KLHL6: variants seen among roughly 807,000 people sequenced by gnomAD.
KLHL6 encodes kelch-like protein 6.
A neutral mutation model predicts 58.6 loss-of-function variants in KLHL6; 41 were observed. The ratio of observed to expected loss-of-function variants is 0.70; its 90% CI spans 0.55 to 0.91. The LOEUF is 0.91. Ranked by LOEUF, KLHL6 falls within the 40% of genes least tolerant of loss-of-function variation. The probability of loss-of-function intolerance (pLI) is 0.00; values close to 1 mark genes in which losing one functional copy is unlikely to be tolerated. For synonymous variants in KLHL6, 338 were observed against 322.7 expected, an observed-to-expected ratio of 1.05 and a Z score of -0.51; for missense variants, 714 against 805.6, an observed-to-expected ratio of 0.89 and a Z score of 1.38.
chr3:183,540,040 C>A (rs1288591815), intron 1 of KLHL6, among the ~76,000 whole-genome samples: 1 of 152,222 alleles, frequency 6.6e-6, no homozygotes, highest in Non-Finnish European at 1.5e-5. Context: ...GTCTGCCCAA[C>A]TTACTCCTGT....
At chr3:183,510,492 C>A (rs1718150503) in intron 2 of KLHL6, among the ~76,000 whole-genome samples, 1 of 152,124 alleles carries the variant, frequency 6.6e-6, no homozygotes, top group South Asian at 2.1e-4. Flanking sequence ...CCAGAGCATT[C>A]CAGGGAACAC....
rs778924888 is a variant in KLHL6 at position 183,508,206 on chromosome 3, G to T, written c.762C>A (p.Leu254=). The T allele has an allele frequency of 1.9e-6, 3 of 1,614,192 alleles. No homozygotes were observed. The highest frequency in any genetic ancestry group is 4.5e-5 in the East Asian group (2 of 44,872). Residue 254 remains leucine, a synonymous_variant, in exon 3 of 7, where the codon CTC becomes CTA. Coordinates refer to ENST00000341319, the MANE Select transcript of KLHL6 (RefSeq NM_130446.4). The stretch of plus-strand genomic sequence containing the variant: ...AGCGCACGTTCTCGAGGACATAGGG[G>T]AGTAAGCAGAGTCGTTCTGATGGCT... ...RHKPSERLCL[L]PYVLENVRLP...
chr3:183,493,912 G>T, intron 5 of KLHL6, 167 bp downstream of exon 5: 1 of 673,544 alleles, frequency 1.5e-6, no homozygotes, highest in Non-Finnish European at 2.6e-6. Flanking sequence ...CAGCAATACT[G>T]AAGCAATAGC....
At chr3:183,504,498 C>G (rs1717950346) in intron 3 of KLHL6, among the ~76,000 whole-genome samples, 1 of 152,124 alleles carries the variant, frequency 6.6e-6, no homozygotes, top group Non-Finnish European at 1.5e-5. Flanking sequence ...CCCCCAGCAC[C>G]TCGGAAATAC....
chr3:183,496,119 G>A (rs767761197), intron 4 of KLHL6, among the ~76,000 whole-genome samples: 45 of 152,068 alleles, frequency 3.0e-4, no homozygotes, highest in Non-Finnish European at 5.7e-4. Flanking sequence ...CAGAAAACAA[G>A]TATATAAAGG....
rs1235694501 is a variant in KLHL6, at chr3:183,527,736, G to A, written c.459+109C>T. ...TGTGTTTGTGTGCGTGTGTGTGTGT[G>A]TGTCCATGTCCCAGGTACAGGCCTG... On this transcript the variant is annotated intron_variant, in intron 2 of 6. Transcript: ENST00000341319. 7.3e-6 allele frequency: 6 copies of A among 825,254 alleles called. No homozygotes were observed. In the African/African-American group the frequency reaches 8.5e-5, roughly 12 times the overall value. The allele number at this position is 825,254 out of a possible 1,614,324, so 51.1% of individuals were successfully genotyped here.
At chr3:183,496,561 A>T (rs1717718045) in intron 4 of KLHL6, among the ~76,000 whole-genome samples, 1 of 152,236 alleles carries the variant, frequency 6.6e-6, no homozygotes, top group African/African-American at 2.4e-5. Flanking sequence ...AAAAAAAGAA[A>T]GCTAAAAAAA....
chr3:183,521,918 C>T (rs1443808494), intron 2 of KLHL6: 2 of 150,050 alleles, frequency 1.3e-5, no homozygotes, highest in Admixed American at 6.6e-5. Flanking sequence ...TGGTCTCGAA[C>T]TCCTGACCTC....
chr3:183,512,227 G>T (rs576324271), intron 2 of KLHL6, among the ~76,000 whole-genome samples: 1 of 152,136 alleles, frequency 6.6e-6, no homozygotes, highest in African/African-American at 2.4e-5. Context: ...AAAATACCAC[G>T]ATCACCATGC....
chr3:183,501,561 G>A (rs183805864), intron 3 of KLHL6, among the ~76,000 whole-genome samples: 87 of 152,286 alleles, frequency 5.7e-4, no homozygotes, highest in Admixed American at 4.6e-4. Flanking sequence ...GTAACCTGTT[G>A]GGTGATTGAG....
chr3:183,491,667 G>A lies in KLHL6; in HGVS notation c.*260C>T, dbSNP rs1345934539. 5.5e-6 allele frequency: 2 copies of A among 365,906 alleles called. No individual in the cohort carries two copies. The highest frequency in any genetic ancestry group is 2.1e-5 in the African/African-American group (1 of 48,048). The allele number at this position is 365,906 out of a possible 1,614,324, so 22.7% of individuals were successfully genotyped here. On this transcript the variant is annotated 3_prime_UTR_variant, in exon 7 of 7. Coordinates refer to ENST00000341319, the MANE Select transcript of KLHL6 (RefSeq NM_130446.4). ...AAAGGAAGTGCCTGGCACAGAAGCC[G>A]GCATAGGGTGGGTGGGTCCTGAATG...
chr3:183,533,209 C>G (rs942362231), intron 1 of KLHL6, among the ~76,000 whole-genome samples: 25 of 152,160 alleles, frequency 1.6e-4, no homozygotes, highest in African/African-American at 6.0e-4. Flanking sequence ...CCCCTCCTCT[C>G]TATCCCACAC....
intron 1 of KLHL6, among the ~76,000 whole-genome samples, chr3:183,530,830 ATTTTTT>A (rs35902105): frequency 8.1e-6 from 1 of 123,972 alleles, no homozygotes; most frequent in Non-Finnish European, 1.7e-5. Context: ...GTGAACATGC[ATTTTTT>A]TTTTTTTTTT....
intron 2 of KLHL6, among the ~76,000 whole-genome samples, chr3:183,508,891 G>A (rs551961944): frequency 1.3e-5 from 2 of 152,300 alleles, no homozygotes; most frequent in East Asian, 1.9e-4. Flanking sequence ...AATATTAAAT[G>A]AAATAGAAAA....
At chr3:183,495,558 A>T (rs2108664124) in intron 4 of KLHL6, among the ~76,000 whole-genome samples, 1 of 143,862 alleles carries the variant, frequency 7.0e-6, no homozygotes, top group East Asian at 2.1e-4. Context: ...CTTTATTAAA[A>T]CCTATGATTT....
intron 2 of KLHL6, among the ~76,000 whole-genome samples, chr3:183,510,971 G>A (rs1047862531): frequency 6.6e-6 from 1 of 152,016 alleles, no homozygotes; most frequent in South Asian, 2.1e-4. Flanking sequence ...TCGTCAGGTG[G>A]GACGAGAGAC....
At chr3:183,513,769 A>G (rs1410006295) in intron 2 of KLHL6, among the ~76,000 whole-genome samples, 1 of 152,012 alleles carries the variant, frequency 6.6e-6, no homozygotes, top group Non-Finnish European at 1.5e-5. Flanking sequence ...GGTTTGTTAC[A>G]TAGGTATACG....
intron 4 of KLHL6, among the ~76,000 whole-genome samples, chr3:183,496,457 A>G (rs1717716110): frequency 6.6e-6 from 1 of 152,236 alleles, no homozygotes; most frequent in South Asian, 2.1e-4. Flanking sequence ...CTTAATTCAC[A>G]TATGACCACT....
At chr3:183,508,543 A>G in intron 2 of KLHL6, 35 bp from the exon 3 acceptor site, 1 of 1,583,710 alleles carries the variant, frequency 6.3e-7, no homozygotes, top group Non-Finnish European at 8.6e-7. Context: ...GGAGGCCAGA[A>G]AATGGTGAGT....
Sources: allele counts gnomAD v4.1 joint callset (sites outside exome capture counted in the v4.1 genomes callset), GRCh38; gene constraint gnomAD v4.1.1; transcripts MANE v1.5; gene names NCBI Gene and HGNC (gene_info 2026-07-23, HGNC 2026-07-21).